Variants in SIPA1L1 observed in about 807,000 individuals in gnomAD.
SIPA1L1 encodes the protein signal-induced proliferation-associated 1-like protein 1.
Under a neutral mutation model 162.7 loss-of-function variants are expected in SIPA1L1, and 26 were observed. The ratio of observed to expected loss-of-function variants is 0.16; its 90% CI spans 0.12 to 0.22. The LOEUF (loss-of-function observed/expected upper bound fraction) is 0.22. Ranked by LOEUF, SIPA1L1 falls within the 10% of genes least tolerant of loss-of-function variation. The pLI is 1.00. For synonymous variants in SIPA1L1, 829 were observed against 837.4 expected (o/e 0.99, Z 0.17); for missense variants, 1,874 against 2,241.0 (o/e 0.84, Z 3.31).
At position 71,445,319 on chromosome 14, in the gene SIPA1L1, A is replaced by C. The variant is rs137996462; in HGVS notation, c.-464-67424A>C. On this transcript the variant is annotated intron_variant, in intron 2 of 23. Transcript: ENST00000381232. Reference sequence around the variant, plus strand: ...GTGAGAGAGTAGGATTAGAATCAGAATTCACTTTTTTTGTCTTAAGATGAG... The same window carrying C: ...GTGAGAGAGTAGGATTAGAATCAGACTTCACTTTTTTTGTCTTAAGATGAG... Among the ~76,000 whole-genome samples, 1,282 of 152,314 alleles carry C rather than the reference A, an allele frequency of 8.4e-3. 47 individuals are homozygous for C. The highest frequency in any genetic ancestry group is 0.062 in the Admixed American group (949 of 15,288).
chr14:71,542,733 C>T (rs1349563837), intron 4 of SIPA1L1, among the ~76,000 whole-genome samples: 1 of 144,320 alleles, frequency 6.9e-6, no homozygotes, highest in East Asian at 2.0e-4. Context: ...CCTCCTCCTC[C>T]TTCTTCTCTC....
chr14:71,554,383 T>TA (rs1462050082), intron 4 of SIPA1L1, among the ~76,000 whole-genome samples: 1 of 152,110 alleles, frequency 6.6e-6, no homozygotes, highest in African/African-American at 2.4e-5. Context: ...GACTTAAAAA[T>TA]AAAAAATATA....
intron 2 of SIPA1L1, among the ~76,000 whole-genome samples, chr14:71,407,008 C>T (rs1167728340): frequency 6.6e-6 from 1 of 152,092 alleles, no homozygotes; most frequent in Non-Finnish European, 1.5e-5. Flanking sequence ...TTGGGAAGCC[C>T]AGGCAGCCAG....
intron 7 of SIPA1L1, 82 bp from the exon 8 acceptor site, chr14:71,650,253 G>C: frequency 7.3e-7 from 1 of 1,367,988 alleles, no homozygotes; most frequent in Non-Finnish European, 1.0e-6. Flanking sequence ...CTGGGCATGT[G>C]CCCTATAGGA....
At chr14:71,349,818 C>T (rs2036518329) in intron 2 of SIPA1L1, among the ~76,000 whole-genome samples, 1 of 152,136 alleles carries the variant, frequency 6.6e-6, no homozygotes, top group African/African-American at 2.4e-5. Context: ...TTTCCTTGCA[C>T]ATATTTTTTG....
At chr14:71,487,370 C>T (rs1046088883) in intron 2 of SIPA1L1, among the ~76,000 whole-genome samples, 1 of 152,142 alleles carries the variant, frequency 6.6e-6, no homozygotes, top group East Asian at 1.9e-4. Flanking sequence ...TGAGATAGTT[C>T]CTGTAAATAC....
chr14:71,698,275 C>T (rs1175334722), intron 13 of SIPA1L1, among the ~76,000 whole-genome samples: 1 of 152,200 alleles, frequency 6.6e-6, no homozygotes, highest in Admixed American at 6.5e-5. Flanking sequence ...CTGTCCTGAC[C>T]ACAAAGCTAT....
chr14:71,571,298 A>G (rs2031956336), intron 4 of SIPA1L1, among the ~76,000 whole-genome samples: 1 of 152,218 alleles, frequency 6.6e-6, no homozygotes, highest in African/African-American at 2.4e-5. Context: ...TGTCCAATGA[A>G]TAGAACATTT....
At chr14:71,345,282 A>G (rs1446774840) in intron 2 of SIPA1L1, among the ~76,000 whole-genome samples, 2 of 152,280 alleles carry the variant, frequency 1.3e-5, no homozygotes, top group South Asian at 4.1e-4. Flanking sequence ...TTCTCCGTGC[A>G]TACTCATGCT....
At chr14:71,538,773 A>G (rs1376731225) in intron 4 of SIPA1L1, among the ~76,000 whole-genome samples, 1 of 151,958 alleles carries the variant, frequency 6.6e-6, no homozygotes, top group Non-Finnish European at 1.5e-5. Flanking sequence ...GCTGGATACA[A>G]GACGGCAAAG....
At chr14:71,684,574 G>T (rs763392704) in intron 12 of SIPA1L1, among the ~76,000 whole-genome samples, 4 of 151,244 alleles carry the variant, frequency 2.6e-5, no homozygotes, top group Non-Finnish European at 5.9e-5. Context: ...GAGCCCAGTC[G>T]CAATGTGCGG....
chr14:71,605,694 A>G (rs149434452), intron 5 of SIPA1L1, among the ~76,000 whole-genome samples: 2 of 152,180 alleles, frequency 1.3e-5, no homozygotes, highest in African/African-American at 2.4e-5. Context: ...ACAGTTGTTA[A>G]TGGAGGCTCT....
At chr14:71,587,196 A>G (rs1282557042) in intron 4 of SIPA1L1, among the ~76,000 whole-genome samples, 1 of 152,148 alleles carries the variant, frequency 6.6e-6, no homozygotes, top group Non-Finnish European at 1.5e-5. Context: ...TTACATCTCA[A>G]ACTTCTGGTC....
At chr14:71,356,580 A>AAAAAAAAAAAAAAAAAAAAAAAAAAAAAC in intron 2 of SIPA1L1, among the ~76,000 whole-genome samples, 1 of 144,070 alleles carries the variant, frequency 6.9e-6, no homozygotes, top group Non-Finnish European at 1.5e-5. Context: ...AAAAAAAAAA[A>AAAAAAAAAAAAAAAAAAAAAAAAAAAAAC]AAAAAAAGCA....
intron 2 of SIPA1L1, among the ~76,000 whole-genome samples, chr14:71,395,018 A>G (rs544545483): frequency 1.3e-5 from 2 of 152,354 alleles, no homozygotes; most frequent in Non-Finnish European, 2.9e-5. Flanking sequence ...GAGAAAATCT[A>G]TAAAGGCATA....
At chr14:71,705,428 A>T in intron 16 of SIPA1L1, 88 bp downstream of exon 16, 1 of 963,998 alleles carries the variant, frequency 1.0e-6, no homozygotes, top group Non-Finnish European at 1.7e-6. Context: ...TTTCCTCTGC[A>T]TGGCCAAAGA....
Position 71,324,387 on chromosome 14 carries a change from C to G in SIPA1L1, c.-465+3206C>G, listed in dbSNP as rs1375767270. Among the ~76,000 whole-genome samples the G allele has an allele frequency of 2.0e-5, 3 of 152,124 alleles. No homozygotes were observed. In the South Asian group the frequency reaches 6.2e-4, roughly 31 times the overall value. ...TGTCCATATTTAATTGCACTCGTTT[C>G]TTTTCTTTTTTTCCTACCTTAGAGC... On this transcript the variant is annotated intron_variant, in intron 2 of 23. Transcript: ENST00000381232.
At chr14:71,480,463 A>T (rs2048264622) in intron 2 of SIPA1L1, among the ~76,000 whole-genome samples, 1 of 151,528 alleles carries the variant, frequency 6.6e-6, no homozygotes, top group Admixed American at 6.6e-5. Flanking sequence ...TAAAAAAAAA[A>T]AAAAAAAGAA....
At chr14:71,573,726 C>G (rs1459675853) in intron 4 of SIPA1L1, 3 of 456,572 alleles carry the variant, frequency 6.6e-6, no homozygotes, top group South Asian at 4.6e-5. Flanking sequence ...TTTTCTCCCC[C>G]TAAAATGAAA....
Sources: allele counts gnomAD v4.1 joint callset (sites outside exome capture counted in the v4.1 genomes callset), GRCh38; gene constraint gnomAD v4.1.1; transcripts MANE v1.5; gene names NCBI Gene and HGNC (gene_info 2026-07-23, HGNC 2026-07-21).